MMP16: variants seen among roughly 807,000 people sequenced by gnomAD.
MMP16 encodes the protein matrix metalloproteinase-16.
Under a neutral mutation model 67.8 loss-of-function variants are expected in MMP16, and 12 were observed. That is an observed-to-expected ratio of 0.18 (90% confidence interval 0.11 to 0.29). The LOEUF (loss-of-function observed/expected upper bound fraction) is 0.29, where lower values mean the gene tolerates loss of function less well. Ranked by LOEUF, MMP16 falls within the 10% of genes least tolerant of loss-of-function variation. The probability of loss-of-function intolerance (pLI) is 1.00; values close to 1 mark genes in which losing one functional copy is unlikely to be tolerated. For synonymous variants in MMP16, 249 were observed against 255.9 expected (o/e 0.97, Z 0.26); for missense variants, 475 against 765.7 (o/e 0.62, Z 4.48).
chr8:88,186,874 A>G (rs1809083932), intron 2 of MMP16, among the ~76,000 whole-genome samples: 1 of 151,738 alleles, frequency 6.6e-6, no homozygotes, highest in East Asian at 1.9e-4. Context: ...GGCTAACTAT[A>G]GACAGAGGTA....
At chr8:88,084,480 A>G (rs977844389) in intron 6 of MMP16, among the ~76,000 whole-genome samples, 4 of 152,006 alleles carry the variant, frequency 2.6e-5, no homozygotes, top group African/African-American at 9.7e-5. Context: ...AAAAAAAGAA[A>G]AGAGGCTGGA....
chr8:88,246,391 A>G (rs1159877748), intron 1 of MMP16, among the ~76,000 whole-genome samples: 5 of 152,210 alleles, frequency 3.3e-5, no homozygotes, highest in Admixed American at 1.3e-4. Context: ...AAGTTATTGC[A>G]TATGAATCCA....
chr8:88,282,114 A>G (rs1186149454), intron 1 of MMP16, among the ~76,000 whole-genome samples: 1 of 141,024 alleles, frequency 7.1e-6, no homozygotes, highest in East Asian at 2.0e-4. Context: ...TCTTGCTGTC[A>G]TCTAGGCTGG....
intron 8 of MMP16, among the ~76,000 whole-genome samples, chr8:88,054,826 C>T (rs571579848): frequency 2.0e-5 from 3 of 152,074 alleles, no homozygotes. Context: ...AAGTTTGTAG[C>T]CTTACTTACT....
chr8:88,156,843 C>A (rs1053165833), intron 4 of MMP16, among the ~76,000 whole-genome samples: 1 of 151,788 alleles, frequency 6.6e-6, no homozygotes, highest in African/African-American at 2.4e-5. Context: ...AAAATTTCTA[C>A]AGAGACTATG....
At chr8:88,306,953 A>C (rs1407917793) in intron 1 of MMP16, among the ~76,000 whole-genome samples, 1 of 152,206 alleles carries the variant, frequency 6.6e-6, no homozygotes, top group Non-Finnish European at 1.5e-5. Context: ...GAAAGGAATA[A>C]AGGTATTCAA....
At chr8:88,209,192 T>A (rs903948163) in intron 1 of MMP16, among the ~76,000 whole-genome samples, 2 of 152,000 alleles carry the variant, frequency 1.3e-5, no homozygotes, top group Non-Finnish European at 2.9e-5. Context: ...TGTGCCTGCA[T>A]CTCCTGCCTC....
chr8:88,243,628 T>C (rs959558597), intron 1 of MMP16, among the ~76,000 whole-genome samples: 3 of 152,196 alleles, frequency 2.0e-5, no homozygotes, highest in African/African-American at 7.2e-5. Flanking sequence ...CTCAAATTTA[T>C]GATGGCATTG....
At chr8:88,110,327 C>T (rs1327287317) in intron 6 of MMP16, among the ~76,000 whole-genome samples, 2 of 151,310 alleles carry the variant, frequency 1.3e-5, no homozygotes, top group African/African-American at 2.4e-5. Flanking sequence ...AGCATAATTG[C>T]AATTACAAAT....
chr8:88,249,463 T>C (rs1216210635), intron 1 of MMP16, among the ~76,000 whole-genome samples: 2 of 152,124 alleles, frequency 1.3e-5, no homozygotes, highest in Non-Finnish European at 2.9e-5. Context: ...ATTATGCTCA[T>C]AGCATTTCCC....
At chr8:88,083,223 A>T (rs751864252) in intron 6 of MMP16, among the ~76,000 whole-genome samples, 4 of 151,992 alleles carry the variant, frequency 2.6e-5, no homozygotes, top group Admixed American at 1.3e-4. Flanking sequence ...GAATTTTCTA[A>T]TTTTTTCTAA....
intron 1 of MMP16, among the ~76,000 whole-genome samples, chr8:88,207,037 A>G (rs1011318891): frequency 5.9e-5 from 9 of 152,212 alleles, no homozygotes; most frequent in African/African-American, 1.4e-4. Flanking sequence ...AACCTCATAG[A>G]TGAACCATAT....
intron 6 of MMP16, among the ~76,000 whole-genome samples, chr8:88,106,053 A>G (rs536924167): frequency 3.4e-3 from 17 of 5,010 alleles, no homozygotes; most frequent in South Asian, 0.015. Flanking sequence ...CACGTTATGT[A>G]TATATATATA....
At chr8:88,201,206 T>C (rs1809339735) in intron 1 of MMP16, among the ~76,000 whole-genome samples, 1 of 150,264 alleles carries the variant, frequency 6.7e-6, no homozygotes, top group Admixed American at 6.6e-5. Context: ...ACTGAATATA[T>C]TAGGGCTAGA....
chr8:88,237,643 C>T (rs531386992), intron 1 of MMP16, among the ~76,000 whole-genome samples: 3 of 146,604 alleles, frequency 2.0e-5, no homozygotes, highest in South Asian at 4.6e-4. Context: ...AGTGAGACTC[C>T]GATTCAAAAA....
At chr8:88,261,115 T>C (rs898346701) in intron 1 of MMP16, among the ~76,000 whole-genome samples, 2 of 152,150 alleles carry the variant, frequency 1.3e-5, no homozygotes, top group African/African-American at 2.4e-5. Flanking sequence ...GCCTCAAATA[T>C]ATTATAAATT....
intron 6 of MMP16, among the ~76,000 whole-genome samples, chr8:88,078,932 A>G (rs1808698681): frequency 6.6e-6 from 1 of 151,930 alleles, no homozygotes; most frequent in South Asian, 2.1e-4. Flanking sequence ...AAATCTCTTT[A>G]TTTCTCACCA....
chr8:88,163,142 G>A (rs1203853534), intron 4 of MMP16, among the ~76,000 whole-genome samples: 1 of 152,032 alleles, frequency 6.6e-6, no homozygotes, highest in Non-Finnish European at 1.5e-5. Flanking sequence ...CTTCTACACA[G>A]GTGTTTTCTG....
rs368855347 is a variant in MMP16, at chr8:88,118,792, G to A, written c.779C>T (p.Pro260Leu). Residue 260 changes from proline (P) to leucine (L), a missense_variant, in exon 5 of 10, where the codon CCC (proline) becomes CTC (leucine). Physicochemically the swap from Pro to Leu is moderately conservative, Grantham distance 98 (BLOSUM62 -3). Around this residue, in one of 5 missense-constraint regions of MMP16, gnomAD observed 195 missense variants for 300.9 expected, o/e 0.65. Coordinates refer to ENST00000286614, the MANE Select transcript of MMP16 (RefSeq NM_005941.5). ...HALGLEHSND[P>L]TAIMAPFYQY... Reference sequence around the variant, plus strand: ...GTAAAATGGAGCCATGATGGCAGTGGGGTCATTGGAATGCTCCAATCCCAG... The same window carrying A: ...GTAAAATGGAGCCATGATGGCAGTGAGGTCATTGGAATGCTCCAATCCCAG... The A allele has an allele frequency of 1.2e-6, 2 of 1,613,114 alleles. No homozygotes were observed. Among genetic ancestry groups the A allele is most frequent in the African/African-American group, 1.3e-5 (1 of 74,850 alleles).
Sources: gnomAD v4.1 joint callset for allele counts (sites outside exome capture counted in the v4.1 genomes callset) on GRCh38, gnomAD v4.1.1 for gene constraint, gnomAD v4.1.1 regional missense constraint, MANE v1.5 for transcripts, NCBI Gene and HGNC (gene_info 2026-07-23, HGNC 2026-07-21) for gene names.